Variants in TMC1 observed in about 807,000 individuals in gnomAD.
The protein encoded by TMC1 is transmembrane channel-like protein 1.
In TMC1, 84 loss-of-function variants were observed where a neutral mutation model predicts 105.8. The observed-to-expected ratio is 0.79, with a 90% CI of 0.67 to 0.95. The LOEUF (loss-of-function observed/expected upper bound fraction) is 0.95. TMC1 is among the 40% of genes least tolerant of loss of function. TMC1 has a pLI of 0.00. For missense variants in TMC1, 817 were observed against 914.1 expected, an observed-to-expected ratio of 0.89 and a Z score of 1.37; for synonymous variants, 315 against 311.5, an observed-to-expected ratio of 1.01 and a Z score of -0.12.
At chr9:72,756,748 G>A (rs1314483296) in intron 12 of TMC1, among the ~76,000 whole-genome samples, 1 of 152,158 alleles carries the variant, frequency 6.6e-6, no homozygotes, top group Non-Finnish European at 1.5e-5. Flanking sequence ...ATAGATTTCT[G>A]AAGTTTAAAT....
chr9:72,810,702 T>G (rs1411023240), intron 18 of TMC1, among the ~76,000 whole-genome samples: 1 of 152,224 alleles, frequency 6.6e-6, no homozygotes, highest in Non-Finnish European at 1.5e-5. Context: ...TTAACTGTTG[T>G]TTTGTAACAT....
intron 8 of TMC1, among the ~76,000 whole-genome samples, chr9:72,713,880 T>C (rs1277687646): frequency 6.6e-6 from 1 of 152,132 alleles, no homozygotes; most frequent in East Asian, 1.9e-4. Flanking sequence ...TTTTAGATCT[T>C]TCTTTCTTTC....
intron 8 of TMC1, among the ~76,000 whole-genome samples, chr9:72,722,464 T>C (rs952763061): frequency 6.6e-6 from 1 of 152,160 alleles, no homozygotes; most frequent in Non-Finnish European, 1.5e-5. Context: ...CCAACGCCCA[T>C]AGAAATAAAA....
intron 18 of TMC1, among the ~76,000 whole-genome samples, chr9:72,806,150 C>G (rs1171509797): frequency 6.7e-6 from 1 of 150,302 alleles, no homozygotes; most frequent in Non-Finnish European, 1.5e-5. Context: ...ACCTCCCGGG[C>G]GGGGCGGCTG....
intron 1 of TMC1, among the ~76,000 whole-genome samples, chr9:72,529,904 G>T (rs1371617486): frequency 1.3e-5 from 2 of 152,032 alleles, no homozygotes; most frequent in East Asian, 1.9e-4. Context: ...CCCTGATAAG[G>T]GTTCTGCCCG....
intron 1 of TMC1, among the ~76,000 whole-genome samples, chr9:72,524,805 G>C (rs1032190201): frequency 6.6e-6 from 1 of 152,174 alleles, no homozygotes; most frequent in Non-Finnish European, 1.5e-5. Flanking sequence ...CCAACCTCTT[G>C]ATTTTACAGG....
chr9:72,577,097 T>C (rs2132095438), intron 1 of TMC1, among the ~76,000 whole-genome samples: 2 of 152,280 alleles, frequency 1.3e-5, no homozygotes, highest in Middle Eastern at 6.8e-3. Flanking sequence ...GGATAAATAA[T>C]GTACTTACTC....
chr9:72,667,642 G>C (rs1016517455), intron 5 of TMC1, among the ~76,000 whole-genome samples: 7 of 152,198 alleles, frequency 4.6e-5, no homozygotes, highest in African/African-American at 1.7e-4. Flanking sequence ...ACACGCACCA[G>C]TTGGGTTTCT....
chr9:72,685,097 A>ATTTTT (rs1771194393), intron 5 of TMC1, among the ~76,000 whole-genome samples: 5 of 125,754 alleles, frequency 4.0e-5, no homozygotes, highest in African/African-American at 1.7e-4. Context: ...TTATAAAGTC[A>ATTTTT]TTCTTTTTTT....
chr9:72,722,224 CTG>C (rs1827038558), intron 8 of TMC1, among the ~76,000 whole-genome samples: 1 of 152,294 alleles, frequency 6.6e-6, no homozygotes, highest in African/African-American at 2.4e-5. Flanking sequence ...CAGTTATTAA[CTG>C]TGAGGGTGGA....
Position 72,836,108 on chromosome 9 carries a change from T to C in TMC1, c.*135T>C, listed in dbSNP as rs1281634532. On this transcript the variant is annotated 3_prime_UTR_variant, in exon 24 of 24. Transcript: ENST00000297784. ...TACCCTTGATGGATTTTCAAGGTCA[T>C]GCTGGCCAATTAAGGCATCATCAGT... 1 of 1,022,110 alleles carries C rather than the reference T, an allele frequency of 9.8e-7. No individual in the cohort carries two copies. Among genetic ancestry groups the C allele is most frequent in the Non-Finnish European group, 1.5e-6 (1 of 653,646 alleles). The allele number at this position is 1,022,110 out of a possible 1,614,324, so 63.3% of individuals were successfully genotyped here. A position where few individuals can be genotyped will look rare whatever the true frequency, so the allele number is the denominator to read the frequency against.
chr9:72,668,164 G>C (rs934622885), intron 5 of TMC1, among the ~76,000 whole-genome samples: 1 of 152,200 alleles, frequency 6.6e-6, no homozygotes, highest in African/African-American at 2.4e-5. Context: ...GCAATGCCTA[G>C]TGTATAATAT....
chr9:72,616,163 C>T (rs1376649576), intron 2 of TMC1: 1 of 152,182 alleles, frequency 6.6e-6, no homozygotes, highest in Admixed American at 6.5e-5. Flanking sequence ...ATGGAACATT[C>T]ACAGAAATTA....
chr9:72,793,455 C>A (rs1033900597), intron 17 of TMC1, among the ~76,000 whole-genome samples: 1 of 152,164 alleles, frequency 6.6e-6, no homozygotes, highest in Non-Finnish European at 1.5e-5. Flanking sequence ...GAGTCCAAGC[C>A]AACCAGCGGC....
intron 5 of TMC1, chr9:72,656,173 C>T (rs1277175977): frequency 3.4e-6 from 2 of 587,494 alleles, no homozygotes; most frequent in African/African-American, 3.7e-5. Flanking sequence ...GGGTGTTTTT[C>T]CGGTATCCTT....
rs757275224 is a variant in TMC1 at position 72,778,899 on chromosome 9, G to T, written c.884+6344G>T. The stretch of plus-strand genomic sequence containing the variant: ...AGCTTCTGAAGACAAGCCTCCACCC[G>T]CACACAACCACCTGCAGCCTCCCCC... On this transcript the variant is annotated intron_variant, in intron 13 of 23. Transcript: ENST00000297784. Among the ~76,000 whole-genome samples the T allele has an allele frequency of 2.0e-5, 3 of 152,102 alleles. No homozygotes were observed. In the South Asian group the frequency reaches 6.2e-4, roughly 32 times the overall value.
chr9:72,637,523 G>A (rs1310441370), intron 4 of TMC1, among the ~76,000 whole-genome samples: 1 of 151,994 alleles, frequency 6.6e-6, no homozygotes, highest in Non-Finnish European at 1.5e-5. Flanking sequence ...AAATCTCTCT[G>A]CAGTTAGTTA....
intron 18 of TMC1, among the ~76,000 whole-genome samples, chr9:72,814,743 T>C (rs561932757): frequency 2.7e-4 from 41 of 152,352 alleles, no homozygotes; most frequent in African/African-American, 9.4e-4. Context: ...GTGATGAAGT[T>C]GAGGCCTGGA....
intron 4 of TMC1, among the ~76,000 whole-genome samples, chr9:72,643,653 T>C (rs1825663091): frequency 6.6e-6 from 1 of 152,200 alleles, no homozygotes; most frequent in African/African-American, 2.4e-5. Context: ...TATTACAAAT[T>C]AGCATTCAAT....
Sources: gnomAD v4.1 joint callset for allele counts (sites outside exome capture counted in the v4.1 genomes callset) on GRCh38, gnomAD v4.1.1 for gene constraint, MANE v1.5 for transcripts, NCBI Gene and HGNC (gene_info 2026-07-23, HGNC 2026-07-21) for gene names.